ZNF333: variants seen among roughly 807,000 people sequenced by gnomAD.
The protein encoded by ZNF333 is zinc finger protein 333.
ZNF333 carries 61 observed loss-of-function variants against 76.1 expected under a neutral mutation model. The ratio of observed to expected loss-of-function variants is 0.80; its 90% CI spans 0.65 to 0.99. The LOEUF is 0.99. Ranked by LOEUF, ZNF333 falls within the 50% of genes least tolerant of loss-of-function variation. ZNF333 has a pLI of 0.00. For missense variants in ZNF333, 717 were observed against 822.4 expected, an observed-to-expected ratio of 0.87 and a Z score of 1.57; for synonymous variants, 284 against 305.0, an observed-to-expected ratio of 0.93 and a Z score of 0.72.
chr19:14,697,367 T>C (rs534809707), intron 4 of ZNF333, among the ~76,000 whole-genome samples: 1 of 144,952 alleles, frequency 6.9e-6, no homozygotes, highest in Non-Finnish European at 1.5e-5. Flanking sequence ...CTTTTTTTTT[T>C]TTTTTTTTTT....
chr19:14,705,103 G>A lies in ZNF333; in HGVS notation c.356G>A (p.Arg119Lys). The A allele has an allele frequency of 6.2e-7, 1 of 1,614,080 alleles. No homozygotes were observed. The highest frequency in any genetic ancestry group is 2.2e-5 in the East Asian group (1 of 44,878). ...CAGCTGGTGCCCTCCATAGAAGAGAGGGAGACACCATTGACTCGAGAGGAC... is the reference window on the plus strand; with the variant it reads ...CAGCTGGTGCCCTCCATAGAAGAGAAGGAGACACCATTGACTCGAGAGGAC... ...RMQLVPSIEERETPLTREDRP... is the reference protein window; with the variant it reads ...RMQLVPSIEEKETPLTREDRP... Residue 119 changes from arginine (R) to lysine (K), a missense_variant, in exon 6 of 12, where the codon AGG becomes AAG. Transcript: ENST00000292530.
chr19:14,711,704 T>G (rs1305395977), intron 7 of ZNF333, among the ~76,000 whole-genome samples: 2 of 152,082 alleles, frequency 1.3e-5, no homozygotes, highest in Non-Finnish European at 2.9e-5. Context: ...GAGGTTGAGT[T>G]GATTTGGTGG....
intron 5 of ZNF333, among the ~76,000 whole-genome samples, chr19:14,700,651 CAA>C (rs2041929898): frequency 6.6e-6 from 1 of 152,134 alleles, no homozygotes; most frequent in South Asian, 2.1e-4. Flanking sequence ...CCGCCTCAAA[CAA>C]GAGGACCTTC....
intron 2 of ZNF333, among the ~76,000 whole-genome samples, chr19:14,694,780 C>T (rs1599684609): frequency 6.6e-6 from 1 of 152,210 alleles, no homozygotes; most frequent in East Asian, 1.9e-4. Context: ...CATGTGATCT[C>T]TGTCACAACT....
chr19:14,703,097 G>T (rs2042006800), intron 5 of ZNF333, among the ~76,000 whole-genome samples: 1 of 151,760 alleles, frequency 6.6e-6, no homozygotes, highest in African/African-American at 2.4e-5. Flanking sequence ...CCAGCTACTT[G>T]GGAGGCTGAG....
chr19:14,695,602 T>A lies in ZNF333; in HGVS notation c.164T>A (p.Leu55Gln). ...PPCKPSCVSQ[L>Q]GQRAEPKATE... ...TGCAAACCCAGTTGTGTCTCCCAGC[T>A]GGGGCAAAGAGCAGAGCCAAAGGCA... The change falls in exon 4 of 12, where the codon CTG becomes CAG. Residue 55 changes from leucine (L) to glutamine (Q), a missense_variant. By Grantham distance (113) the Leu-to-Gln change is moderately radical (BLOSUM62 -2). Transcript: ENST00000292530. 1 of 1,614,148 alleles carries A rather than the reference T, an allele frequency of 6.2e-7. No individual in the cohort carries two copies. The highest frequency in any genetic ancestry group is 8.5e-7 in the Non-Finnish European group (1 of 1,180,032).
downstream of ZNF333, among the ~76,000 whole-genome samples, chr19:14,725,938 G>A (rs2042630367): frequency 6.6e-6 from 1 of 152,170 alleles, no homozygotes; most frequent in Non-Finnish European, 1.5e-5. Context: ...CCCTGGTAGG[G>A]ATTCTTGTGG....
chr19:14,725,748 G>C (rs927852169), downstream of ZNF333, among the ~76,000 whole-genome samples: 1 of 152,212 alleles, frequency 6.6e-6, no homozygotes, highest in Non-Finnish European at 1.5e-5. Flanking sequence ...TGCAAGATAT[G>C]GGATCTCAAG....
At position 14,718,577 on chromosome 19, in the gene ZNF333, C is replaced by A; in HGVS notation, c.1250C>A (p.Thr417Asn). The A allele has an allele frequency of 6.2e-7, 1 of 1,614,084 alleles. No individual in the cohort carries two copies. Among genetic ancestry groups the A allele is most frequent in the Non-Finnish European group, 8.5e-7 (1 of 1,180,038 alleles). ...CTCCGGCGACACATGAGAACCCATA[C>A]CGGAGAGAAGCCATTTGAATGTAGT... Reference protein sequence around the residue: ...SNLRRHMRTHTGEKPFECSQC... With the variant: ...SNLRRHMRTHNGEKPFECSQC... The change falls in exon 12 of 12, where the codon ACC (threonine) becomes AAC (asparagine). Residue 417 changes from threonine (T) to asparagine (N), a missense_variant. Physicochemically the swap from Thr to Asn is moderately conservative, Grantham distance 65 (BLOSUM62 0). Transcript: ENST00000292530.
At chr19:14,710,396 CCA>C (rs2042241032) in intron 7 of ZNF333, among the ~76,000 whole-genome samples, 1 of 152,138 alleles carries the variant, frequency 6.6e-6, no homozygotes, top group African/African-American at 2.4e-5. Context: ...CAAGACCACC[CCA>C]GTCTTGATGA....
In ZNF333 at chr19:14,695,069, C is replaced by G. The variant is rs1442196644; in HGVS notation, c.63C>G (p.Asp21Glu). 8.1e-6 allele frequency: 13 copies of G among 1,613,998 alleles called. No homozygotes were observed. The highest frequency in any genetic ancestry group is 1.1e-5 in the Non-Finnish European group (13 of 1,180,006). Reference sequence around the variant, plus strand: ...TCATCCAGGAGTGGGCATTGCTGGACAGCGCACGGAGGAGCCTGTGCAAAT... The same window carrying G: ...TCATCCAGGAGTGGGCATTGCTGGAGAGCGCACGGAGGAGCCTGTGCAAAT... Reference protein sequence around the residue: ...VEFIQEWALLDSARRSLCKYR... With the variant: ...VEFIQEWALLESARRSLCKYR... The change falls in exon 3 of 12, where the codon GAC becomes GAG. Residue 21 changes from aspartate to glutamate, a missense_variant. Physicochemically the swap from Asp to Glu is conservative, Grantham distance 45. Transcript: ENST00000292530.
intron 4 of ZNF333, among the ~76,000 whole-genome samples, chr19:14,698,929 T>TAGATAG (rs1164090491): frequency 2.2e-5 from 3 of 137,592 alleles, no homozygotes; most frequent in African/African-American, 5.5e-5. Context: ...TATATATATA[T>TAGATAG]ATATATACAC....
At chr19:14,705,204 AG>A (rs778782407) in intron 6 of ZNF333, 34 bp downstream of exon 6, 1 of 1,571,406 alleles carries the variant, frequency 6.4e-7, no homozygotes, top group South Asian at 1.1e-5. Context: ...TGATGGCACC[AG>A]GTGCAGTCAG....
intron 10 of ZNF333, 194 bp from the exon 11 acceptor site, chr19:14,717,463 T>G (rs2042467233): frequency 1.7e-6 from 1 of 583,472 alleles, no homozygotes; most frequent in African/African-American, 1.9e-5. Context: ...ATTACATAAC[T>G]TCTCATCTAG....
Position 14,717,749 on chromosome 19 carries a change from G to A in ZNF333, c.900+16G>A, listed in dbSNP as rs1375545952. The A allele has an allele frequency of 2.5e-6, 4 of 1,607,902 alleles. No homozygotes were observed. Among genetic ancestry groups the A allele is most frequent in the Non-Finnish European group, 3.4e-6 (4 of 1,174,524 alleles). Reference sequence around the variant, plus strand: ...TGTGAAAGGGGTAAGGCTCACCAGGGATTATTCATGGTTCTCTATAGTAGG... The same window carrying A: ...TGTGAAAGGGGTAAGGCTCACCAGGAATTATTCATGGTTCTCTATAGTAGG... On this transcript the variant is annotated intron_variant, in intron 11 of 11. Coordinates refer to ENST00000292530, the MANE Select transcript of ZNF333 (RefSeq NM_032433.4).
intron 11 of ZNF333, among the ~76,000 whole-genome samples, 166 bp downstream of exon 11, chr19:14,717,899 T>C (rs908328505): frequency 8.5e-5 from 13 of 152,202 alleles, no homozygotes; most frequent in African/African-American, 2.9e-4. Flanking sequence ...CATGAATTGG[T>C]GGAAAACTAA....
intron 11 of ZNF333, among the ~76,000 whole-genome samples, chr19:14,727,970 C>T (rs1282741425): frequency 6.6e-6 from 1 of 152,220 alleles, no homozygotes; most frequent in Non-Finnish European, 1.5e-5. Flanking sequence ...CGCCTGTAAT[C>T]CCAGCACTTT....
At chr19:14,704,895 A>G (rs1298044654) in intron 5 of ZNF333, among the ~76,000 whole-genome samples, 159 bp from the exon 6 acceptor site, 1 of 152,172 alleles carries the variant, frequency 6.6e-6, no homozygotes, top group African/African-American at 2.4e-5. Context: ...TCTTCACCTC[A>G]GCCTCCCAAA....
intron 5 of ZNF333, 73 bp downstream of exon 5, chr19:14,699,354 A>G: frequency 7.5e-7 from 1 of 1,334,894 alleles, no homozygotes; most frequent in East Asian, 2.3e-5. Flanking sequence ...GAAATACAGG[A>G]CCAGAGCCAG....
Sources: gnomAD v4.1 joint callset for allele counts (sites outside exome capture counted in the v4.1 genomes callset) on GRCh38, gnomAD v4.1.1 for gene constraint, MANE v1.5 for transcripts, NCBI Gene and HGNC (gene_info 2026-07-23, HGNC 2026-07-21) for gene names.